ADAMTS17: variants seen among roughly 807,000 people sequenced by gnomAD.
ADAMTS17 encodes ADAM metallopeptidase with thrombospondin type 1 motif 17.
ADAMTS17 carries 113 observed loss-of-function variants against 141.5 expected under a neutral mutation model. The ratio of observed to expected loss-of-function variants is 0.80; its 90% CI spans 0.69 to 0.93. The LOEUF (loss-of-function observed/expected upper bound fraction) is 0.93, where lower values mean the gene tolerates loss of function less well. Among genes scored for constraint, ADAMTS17 ranks in the 40% least tolerant of loss-of-function variants. The pLI, the probability that ADAMTS17 is intolerant of heterozygous loss-of-function variation, is 0.00. For synonymous variants in ADAMTS17, 768 were observed against 630.6 expected, an observed-to-expected ratio of 1.22 and a Z score of -3.27; for missense variants, 1,659 against 1,517.9, an observed-to-expected ratio of 1.09 and a Z score of -1.54.
At chr15:100,263,296 G>A (rs1220678461) in intron 4 of ADAMTS17, among the ~76,000 whole-genome samples, 4 of 152,100 alleles carry the variant, frequency 2.6e-5, no homozygotes, top group Non-Finnish European at 5.9e-5. Context: ...CCAGTTCATC[G>A]AGGTAAAGCC....
intron 14 of ADAMTS17, among the ~76,000 whole-genome samples, chr15:100,105,815 G>A (rs532749825): frequency 7.4e-4 from 112 of 152,168 alleles, no homozygotes; most frequent in African/African-American, 2.6e-3. Context: ...AGCCTCCTGA[G>A]TAGCTGGGAT....
chr15:100,295,647 T>C (rs732456), intron 3 of ADAMTS17, among the ~76,000 whole-genome samples: 2,874 of 152,302 alleles, frequency 0.019, 107 homozygotes, highest in African/African-American at 0.066. Context: ...TTTATTTCTC[T>C]AGCCCTAGGA....
chr15:100,263,728 G>A (rs920822445), intron 4 of ADAMTS17, among the ~76,000 whole-genome samples: 1 of 152,372 alleles, frequency 6.6e-6, no homozygotes, highest in Non-Finnish European at 1.5e-5. Flanking sequence ...GAAGGTTGGA[G>A]GGAACAAGAA....
chr15:100,100,440 T>C (rs564668756), intron 14 of ADAMTS17, among the ~76,000 whole-genome samples: 1 of 152,322 alleles, frequency 6.6e-6, no homozygotes, highest in South Asian at 2.1e-4. Context: ...AAGAGTCTGC[T>C]GAGCAATCTC....
intron 6 of ADAMTS17, among the ~76,000 whole-genome samples, chr15:100,257,984 C>CGT (rs2043383186): frequency 6.6e-6 from 1 of 152,214 alleles, no homozygotes; most frequent in Non-Finnish European, 1.5e-5. Flanking sequence ...GTAGGTACCT[C>CGT]ACATAAGTGG....
chr15:100,082,586 C>T (rs1008187790), intron 15 of ADAMTS17, among the ~76,000 whole-genome samples: 1 of 151,810 alleles, frequency 6.6e-6, no homozygotes, highest in Admixed American at 6.6e-5. Flanking sequence ...CAGGGTTTCG[C>T]CATGTTGCTC....
At chr15:100,325,144 G>GGA (rs1428315997) in intron 3 of ADAMTS17, among the ~76,000 whole-genome samples, 1 of 152,134 alleles carries the variant, frequency 6.6e-6, no homozygotes, top group East Asian at 1.9e-4. Flanking sequence ...CAGCACCCCT[G>GGA]GTTCTCAGTG....
intron 18 of ADAMTS17, among the ~76,000 whole-genome samples, chr15:100,025,293 C>T (rs2061485935): frequency 6.6e-6 from 1 of 152,030 alleles, no homozygotes; most frequent in Non-Finnish European, 1.5e-5. Flanking sequence ...TTTTGCTTCC[C>T]TGGAATACCT....
At chr15:100,137,849 A>G (rs754104631) in intron 10 of ADAMTS17, among the ~76,000 whole-genome samples, 1 of 151,928 alleles carries the variant, frequency 6.6e-6, no homozygotes, top group East Asian at 1.9e-4. Context: ...GCCAACACCA[A>G]CACCCACCCT....
At chr15:100,041,737 C>CA (rs947130868) in intron 18 of ADAMTS17, among the ~76,000 whole-genome samples, 1 of 152,146 alleles carries the variant, frequency 6.6e-6, no homozygotes, top group African/African-American at 2.4e-5. Flanking sequence ...CATATGGTTA[C>CA]AGCAGGGTTT....
intron 3 of ADAMTS17, among the ~76,000 whole-genome samples, chr15:100,323,009 C>G (rs1277047424): frequency 6.7e-6 from 1 of 148,844 alleles, no homozygotes; most frequent in African/African-American, 2.5e-5. Flanking sequence ...ATGGCATGGA[C>G]CCGGGAGGCG....
chr15:100,204,979 T>C (rs147056719), intron 7 of ADAMTS17, among the ~76,000 whole-genome samples: 42 of 152,330 alleles, frequency 2.8e-4, no homozygotes, highest in African/African-American at 9.9e-4. Flanking sequence ...TAATTCAGTT[T>C]GTTGGTTTGT....
chr15:100,108,463 C>T (rs895912653), intron 14 of ADAMTS17, among the ~76,000 whole-genome samples: 4 of 152,172 alleles, frequency 2.6e-5, no homozygotes, highest in South Asian at 2.1e-4. Context: ...CATGAGCCAC[C>T]GCACCCGGCC....
chr15:100,117,222 G>C (rs1294746105), intron 12 of ADAMTS17, among the ~76,000 whole-genome samples: 1 of 152,204 alleles, frequency 6.6e-6, no homozygotes, highest in Non-Finnish European at 1.5e-5. Context: ...AGGTGCATGA[G>C]AGAACTGCAA....
intron 18 of ADAMTS17, among the ~76,000 whole-genome samples, chr15:100,025,170 T>G (rs922815421): frequency 2.0e-5 from 3 of 152,206 alleles, no homozygotes; most frequent in Non-Finnish European, 4.4e-5. Flanking sequence ...AACTGTTATA[T>G]TTTCATTATA....
At chr15:100,194,197 G>A (rs1274116032) in intron 8 of ADAMTS17, among the ~76,000 whole-genome samples, 2 of 152,164 alleles carry the variant, frequency 1.3e-5, no homozygotes, top group Admixed American at 1.3e-4. Context: ...ACATCTCCCA[G>A]GAGTTTGCTG....
intron 14 of ADAMTS17, among the ~76,000 whole-genome samples, chr15:100,099,664 C>A (rs2035976001): frequency 6.6e-6 from 1 of 152,192 alleles, no homozygotes; most frequent in Non-Finnish European, 1.5e-5. Flanking sequence ...CGCCCTGTGC[C>A]TCTGGCTAAG....
rs1462219036 is a variant in ADAMTS17, at chr15:99,972,499, T to C, written c.*1903A>G. ...CTGCAAAAGTCTAAATGTCTTTCAG[T>C]GAATTAACAGTTCATTTGGGGATGA... On this transcript the variant is annotated 3_prime_UTR_variant, in exon 22 of 22. Transcript: ENST00000268070. 1 of 152,172 alleles carries C rather than the reference T, an allele frequency of 6.6e-6. No homozygotes were observed. Among genetic ancestry groups the C allele is most frequent in the African/African-American group, 2.4e-5 (1 of 41,438 alleles). The allele number at this position is 152,172 out of a possible 1,614,324, so 9.4% of individuals were successfully genotyped here.
At chr15:100,163,170 C>A (rs2039808814) in intron 8 of ADAMTS17, among the ~76,000 whole-genome samples, 1 of 151,854 alleles carries the variant, frequency 6.6e-6, no homozygotes, top group Admixed American at 6.6e-5. Context: ...CATACATCTC[C>A]ATACATTTAC....
Sources: allele counts gnomAD v4.1 joint callset (sites outside exome capture counted in the v4.1 genomes callset), GRCh38; gene constraint gnomAD v4.1.1; transcripts MANE v1.5; gene names NCBI Gene and HGNC (gene_info 2026-07-23, HGNC 2026-07-21).